NACC2: variants seen among roughly 807,000 people sequenced by gnomAD.
NACC2 encodes the protein NACC family member 2.
NACC2 carries 8 observed loss-of-function variants against 25.1 expected under a neutral mutation model. The ratio of observed to expected loss-of-function variants is 0.32; its 90% confidence interval spans 0.19 to 0.57. The LOEUF is 0.57. Among genes scored for constraint, NACC2 ranks in the 20% least tolerant of loss-of-function variants. NACC2 has a pLI of 0.89. For missense variants in NACC2, 644 were observed against 650.2 expected, an observed-to-expected ratio of 0.99 and a Z score of 0.10; for synonymous variants, 435 against 294.7, an observed-to-expected ratio of 1.48 and a Z score of -4.88.
chr9:136,048,599 G>A (rs913548818), intron 2 of NACC2, among the ~76,000 whole-genome samples: 4 of 152,240 alleles, frequency 2.6e-5, no homozygotes, highest in Non-Finnish European at 5.9e-5. Context: ...AAGACACCAC[G>A]GAGCCCAGAG....
At chr9:136,088,519 G>T (rs1830402261) in intron 1 of NACC2, among the ~76,000 whole-genome samples, 1 of 152,256 alleles carries the variant, frequency 6.6e-6, no homozygotes, top group Non-Finnish European at 1.5e-5. Context: ...CCAGTCCGTG[G>T]CCAGGGACTC....
In NACC2 at chr9:136,010,557, G is replaced by T. The variant is rs557510936; in HGVS notation, c.*959C>A. On this transcript the variant is annotated 3_prime_UTR_variant, in exon 6 of 6. Transcript: ENST00000277554. The surrounding 1 kb of genome is among the most constrained non-coding windows in gnomAD (Gnocchi z 4.9). ...CAGATGACCCACCCCAAGCCATGGT[G>T]GGCTGGGGACAGGGACACCCATCCC... is the stretch of plus-strand genomic sequence containing the variant. 1 of 152,348 alleles carries T rather than the reference G, an allele frequency of 6.6e-6. No individual in the cohort carries two copies. Among genetic ancestry groups the T allele is most frequent in the South Asian group, 2.1e-4 (1 of 4,828 alleles). The allele number at this position is 152,348 out of a possible 1,614,324, so 9.4% of individuals were successfully genotyped here.
intron 2 of NACC2, among the ~76,000 whole-genome samples, chr9:136,046,344 C>A (rs1207369949): frequency 6.6e-6 from 1 of 152,202 alleles, no homozygotes; most frequent in Admixed American, 6.5e-5. Context: ...GTTTCCCTTC[C>A]GGTGGATACG....
chr9:136,038,087 T>C (rs960137959), intron 2 of NACC2, among the ~76,000 whole-genome samples: 12 of 152,160 alleles, frequency 7.9e-5, no homozygotes, highest in African/African-American at 2.7e-4. Context: ...CCACATACTG[T>C]ATACAACACC....
chr9:136,013,770 G>T lies in NACC2; in HGVS notation c.1157+94C>A. Reference sequence around the variant, plus strand: ...TCAGGAATGCGAGAGGGCTTTCAATGCCACAACCCTGGACGATCAGACAGC... The same window carrying T: ...TCAGGAATGCGAGAGGGCTTTCAATTCCACAACCCTGGACGATCAGACAGC... On this transcript the variant is annotated intron_variant, in intron 4 of 5. Transcript: ENST00000277554. This position sits in a 1 kb window ranked among gnomAD's most constrained non-coding sequence, Gnocchi z 6.6. The T allele has an allele frequency of 8.6e-7, 1 of 1,157,886 alleles. No homozygotes were observed. The highest frequency in any genetic ancestry group is 1.2e-6 in the Non-Finnish European group (1 of 814,306). 71.7% of individuals were successfully genotyped at this position (1,157,886 alleles called of 1,614,324 possible).
At chr9:136,071,273 G>A (rs113816024) in intron 1 of NACC2, among the ~76,000 whole-genome samples, 4,669 of 150,218 alleles carry the variant, frequency 0.031, 160 homozygotes, top group African/African-American at 0.05. Context: ...GGCTGGGCGC[G>A]GTGGCTCACG....
chr9:136,068,295 C>T (rs1236265004), intron 1 of NACC2, among the ~76,000 whole-genome samples: 1 of 152,000 alleles, frequency 6.6e-6, no homozygotes, highest in Non-Finnish European at 1.5e-5. Context: ...GTCAGGAGTT[C>T]AAGACCAGCC....
rs1840264450 is a variant in NACC2 at position 136,019,945 on chromosome 9, A to G, written c.887-3516T>C. On this transcript the variant is annotated intron_variant, in intron 2 of 5. Coordinates refer to ENST00000277554, the MANE Select transcript of NACC2 (RefSeq NM_144653.5). This position sits in a 1 kb window ranked among gnomAD's most constrained non-coding sequence, Gnocchi z 5.2. Reference sequence around the variant, plus strand: ...GGGGCTCCACTCGCAGGCGGCCCCCAGAGTCGTCAGGTCCACAGAGGCGGG... The same window carrying G: ...GGGGCTCCACTCGCAGGCGGCCCCCGGAGTCGTCAGGTCCACAGAGGCGGG... Among the ~76,000 whole-genome samples, 2 of 146,334 alleles carry G rather than the reference A, an allele frequency of 1.4e-5. No homozygotes were observed. Among genetic ancestry groups the G allele is most frequent in the Non-Finnish European group, 3.0e-5 (2 of 66,336 alleles).
At chr9:136,044,872 C>T (rs1840697213) in intron 2 of NACC2, among the ~76,000 whole-genome samples, 1 of 152,182 alleles carries the variant, frequency 6.6e-6, no homozygotes, top group Non-Finnish European at 1.5e-5. Flanking sequence ...GGTTCTGTGG[C>T]CCAGGGCCGG....
intron 1 of NACC2, among the ~76,000 whole-genome samples, chr9:136,094,957 C>T (rs1020633548): frequency 6.8e-6 from 1 of 146,486 alleles, no homozygotes; most frequent in African/African-American, 2.5e-5. Context: ...CCGCCGGGAC[C>T]CCCCGGCCCC....
At chr9:136,077,711 G>A (rs1009642220) in intron 1 of NACC2, among the ~76,000 whole-genome samples, 3 of 152,182 alleles carry the variant, frequency 2.0e-5, no homozygotes, top group Admixed American at 6.5e-5. Flanking sequence ...GAAATGCGAG[G>A]GGACCCCAAG....
intron 1 of NACC2, among the ~76,000 whole-genome samples, chr9:136,070,279 G>A (rs910151948): frequency 9.9e-5 from 15 of 150,932 alleles, no homozygotes; most frequent in South Asian, 8.4e-4. Context: ...AGGCCGGGGC[G>A]GGTGGATCAC....
At chr9:136,064,828 T>C (rs867921965) in intron 1 of NACC2, among the ~76,000 whole-genome samples, 1 of 152,248 alleles carries the variant, frequency 6.6e-6, no homozygotes, top group South Asian at 2.1e-4. Flanking sequence ...ATAAAGCTAC[T>C]GTAATCAATA....
intron 2 of NACC2, among the ~76,000 whole-genome samples, chr9:136,047,706 A>G (rs1840751355): frequency 6.6e-6 from 1 of 152,044 alleles, no homozygotes. Flanking sequence ...GTCCCCACCC[A>G]ACACACATCC....
At chr9:136,032,814 G>A (rs960595885) in intron 2 of NACC2, among the ~76,000 whole-genome samples, 4 of 151,872 alleles carry the variant, frequency 2.6e-5, no homozygotes, top group East Asian at 1.9e-4. Flanking sequence ...GGTGGATCAC[G>A]AGACTAGCCT....
Position 136,010,458 on chromosome 9 carries a change from CCT to C in NACC2, c.*1056_*1057del, listed in dbSNP as rs1298083152. 6.6e-6 allele frequency: 1 copy of C among 152,288 alleles called. No homozygotes were observed. Among genetic ancestry groups the C allele is most frequent in the African/African-American group, 2.4e-5 (1 of 41,434 alleles). The allele number at this position is 152,288 out of a possible 1,614,324, so 9.4% of individuals were successfully genotyped here. ...CGTACTAGTCGCCCACCCGGGACCC[CCT>C]TTTTCCCCCAGTGGGAGACGAGTGG... On this transcript the variant is annotated 3_prime_UTR_variant, in exon 6 of 6. Coordinates refer to ENST00000277554, the MANE Select transcript of NACC2 (RefSeq NM_144653.5). The surrounding 1 kb of genome is among the most constrained non-coding windows in gnomAD (Gnocchi z 4.9).
intron 1 of NACC2, among the ~76,000 whole-genome samples, chr9:136,082,192 C>T (rs1053744691): frequency 6.6e-6 from 1 of 152,220 alleles, no homozygotes; most frequent in Non-Finnish European, 1.5e-5. Context: ...TGAGGGATGC[C>T]CCCTCTGCCC....
At chr9:136,070,507 A>G (rs1454258774) in intron 1 of NACC2, among the ~76,000 whole-genome samples, 2 of 151,914 alleles carry the variant, frequency 1.3e-5, no homozygotes, top group Non-Finnish European at 2.9e-5. Context: ...ACTCGTCTCA[A>G]AAAAGAAAAT....
At chr9:136,091,035 G>A (rs1469915866) in intron 1 of NACC2, among the ~76,000 whole-genome samples, 2 of 152,204 alleles carry the variant, frequency 1.3e-5, no homozygotes, top group East Asian at 3.9e-4. Flanking sequence ...CCCGCACTGG[G>A]GGAGGGGAGA....
Sources: allele counts gnomAD v4.1 joint callset (sites outside exome capture counted in the v4.1 genomes callset), GRCh38; gene constraint gnomAD v4.1.1; non-coding constraint Gnocchi (gnomAD v3.1); transcripts MANE v1.5; gene names NCBI Gene and HGNC (gene_info 2026-07-23, HGNC 2026-07-21).